Variants in PLBD1 observed in about 807,000 individuals in gnomAD.
PLBD1 encodes the protein phospholipase B domain containing 1.
Under a neutral mutation model 63.0 loss-of-function variants are expected in PLBD1, and 60 were observed. The observed-to-expected ratio is 0.95, with a 90% CI of 0.77 to 1.18. The LOEUF is 1.18. PLBD1 is among the 50% of genes most tolerant of loss of function. The pLI, the probability that PLBD1 is intolerant of heterozygous loss-of-function variation, is 0.00. For missense variants in PLBD1, 598 were observed against 677.9 expected, an observed-to-expected ratio of 0.88 and a Z score of 1.31; for synonymous variants, 262 against 248.0, an observed-to-expected ratio of 1.06 and a Z score of -0.53.
chr12:14,515,550 A>T (rs1945330800), intron 6 of PLBD1, among the ~76,000 whole-genome samples: 1 of 152,054 alleles, frequency 6.6e-6, no homozygotes, highest in Admixed American at 6.5e-5. Context: ...CTAAATATAG[A>T]TTGTTTTTAT....
At chr12:14,546,972 C>A (rs539653478) in intron 2 of PLBD1, among the ~76,000 whole-genome samples, 1 of 151,910 alleles carries the variant, frequency 6.6e-6, no homozygotes, top group Non-Finnish European at 1.5e-5. Context: ...CTTTTGCCAC[C>A]GAGGTTCAAG....
chr12:14,503,675 T>A lies in PLBD1; in HGVS notation c.*97A>T. ...TCAGTGGGAAATGAAAGTGACAAAT[T>A]AATATATTTTATTGCATAATTCTGA... is the stretch of plus-strand genomic sequence containing the variant. On this transcript the variant is annotated 3_prime_UTR_variant, in exon 11 of 11. Transcript: ENST00000240617. 8.8e-7 allele frequency: 1 copy of A among 1,140,848 alleles called. No individual in the cohort carries two copies. The highest frequency in any genetic ancestry group is 2.4e-5 in the Admixed American group (1 of 42,486). The allele number at this position is 1,140,848 out of a possible 1,614,324, so 70.7% of individuals were successfully genotyped here. A position where few individuals can be genotyped will look rare whatever the true frequency, so the allele number is the denominator to read the frequency against.
At chr12:14,514,742 ATT>A (rs3083807) in intron 6 of PLBD1, among the ~76,000 whole-genome samples, 1 of 147,304 alleles carries the variant, frequency 6.8e-6, no homozygotes. Flanking sequence ...ATCTTTTTAA[ATT>A]TTTTTTTTTT....
At position 14,567,632 on chromosome 12, in the gene PLBD1, A is replaced by G. The variant is rs1026044224; in HGVS notation, c.65T>C (p.Leu22Pro). The G allele has an allele frequency of 6.7e-7, 1 of 1,498,566 alleles. No individual in the cohort carries two copies. The highest frequency in any genetic ancestry group is 8.8e-7 in the Non-Finnish European group (1 of 1,131,738). 92.8% of individuals were successfully genotyped at this position (1,498,566 alleles called of 1,614,324 possible). The part of the protein sequence containing the change: ...LPQPPPLLLL[L>P]LLLPLLLVTA... ...GACTAACAACAGCGGCAGCAGCAGC[A>G]GCAGCAGCAGAAGCGGTGGCGGCTG... The change falls in exon 1 of 11, where the codon CTG (leucine) becomes CCG (proline). Residue 22 changes from leucine (L) to proline (P), a missense_variant. By Grantham distance (98) the Leu-to-Pro change is moderately conservative (BLOSUM62 -3). Coordinates refer to ENST00000240617, the MANE Select transcript of PLBD1 (RefSeq NM_024829.6).
chr12:14,543,015 A>T (rs1945588384), intron 2 of PLBD1, among the ~76,000 whole-genome samples: 1 of 152,222 alleles, frequency 6.6e-6, no homozygotes. Context: ...AAACTTAAAA[A>T]AATTAAAAAT....
chr12:14,509,004 C>A (rs960563985), intron 8 of PLBD1, among the ~76,000 whole-genome samples: 8 of 146,138 alleles, frequency 5.5e-5, no homozygotes, highest in Non-Finnish European at 1.2e-4. Context: ...CCGACCCCGA[C>A]GCCCCCGCCT....
intron 4 of PLBD1, among the ~76,000 whole-genome samples, chr12:14,539,338 T>C (rs1945546846): frequency 6.6e-6 from 1 of 152,112 alleles, no homozygotes; most frequent in Non-Finnish European, 1.5e-5. Context: ...ATCTCTCTCC[T>C]TTCCCGCCAG....
intron 6 of PLBD1, among the ~76,000 whole-genome samples, chr12:14,534,431 G>T (rs1164430147): frequency 6.6e-6 from 1 of 152,082 alleles, no homozygotes; most frequent in Non-Finnish European, 1.5e-5. Context: ...TTTATCTTAA[G>T]TTGGAGGGTC....
Position 14,505,315 on chromosome 12 carries a change from T to C in PLBD1, c.1479+847A>G, listed in dbSNP as rs191212196. Among the ~76,000 whole-genome samples, 467 of 152,276 alleles carry C rather than the reference T, an allele frequency of 3.1e-3. 1 individual carries two copies. Among genetic ancestry groups the C allele is most frequent in the Non-Finnish European group, 5.3e-3 (360 of 68,018 alleles). On this transcript the variant is annotated intron_variant, in intron 10 of 10. Coordinates refer to ENST00000240617, the MANE Select transcript of PLBD1 (RefSeq NM_024829.6). Reference sequence around the variant, plus strand: ...CAAAGACAGAATACACACTTTACCCTGACAGGTTTCTTCCAGAATTTAGGA... The same window carrying C: ...CAAAGACAGAATACACACTTTACCCCGACAGGTTTCTTCCAGAATTTAGGA...
intron 6 of PLBD1, among the ~76,000 whole-genome samples, chr12:14,529,542 T>C (rs1026260488): frequency 4.6e-5 from 7 of 152,146 alleles, no homozygotes; most frequent in Non-Finnish European, 7.3e-5. Flanking sequence ...TTTTCAACAA[T>C]TGCTGAGAAA....
intron 6 of PLBD1, among the ~76,000 whole-genome samples, chr12:14,527,073 A>G (rs559556343): frequency 1.3e-5 from 2 of 152,280 alleles, no homozygotes; most frequent in Admixed American, 1.3e-4. Flanking sequence ...TAGAACATAT[A>G]TATATTTTGT....
intron 2 of PLBD1, among the ~76,000 whole-genome samples, chr12:14,552,254 T>C (rs934779068): frequency 6.6e-6 from 1 of 152,214 alleles, no homozygotes; most frequent in African/African-American, 2.4e-5. Context: ...GAGAGTCGAT[T>C]AAATAAATTG....
chr12:14,528,199 T>C (rs186166745), intron 6 of PLBD1, among the ~76,000 whole-genome samples: 11 of 152,274 alleles, frequency 7.2e-5, no homozygotes. Flanking sequence ...GTTAAGAGTA[T>C]AGATGACTTG....
rs772425392 is a variant in PLBD1 at position 14,540,872 on chromosome 12, G to C, written c.450C>G (p.Ile150Met). 1 of 1,602,270 alleles carries C rather than the reference G, an allele frequency of 6.2e-7. No individual in the cohort carries two copies. The highest frequency in any genetic ancestry group is 1.1e-5 in the South Asian group (1 of 89,744). Residue 150 changes from isoleucine (I) to methionine (M), a missense_variant, in exon 4 of 11, where the codon ATC becomes ATG. Coordinates refer to ENST00000240617, the MANE Select transcript of PLBD1 (RefSeq NM_024829.6). ...AAAATGAATCAGTCTTGTATTCTTTGATATTTTTCCGGGTCCACTTATCTT... is the reference window on the plus strand; with the variant it reads ...AAAATGAATCAGTCTTGTATTCTTTCATATTTTTCCGGGTCCACTTATCTT... ...EKQDKWTRKN[I>M]KEYKTDSFWR...
intron 6 of PLBD1, chr12:14,531,107 A>G (rs1380568525): frequency 6.6e-6 from 1 of 152,216 alleles, no homozygotes; most frequent in Non-Finnish European, 1.5e-5. Flanking sequence ...TACATGTGAG[A>G]TATGATGATT....
At chr12:14,562,053 T>G (rs1175574819) in intron 1 of PLBD1, among the ~76,000 whole-genome samples, 1 of 152,250 alleles carries the variant, frequency 6.6e-6, no homozygotes, top group Non-Finnish European at 1.5e-5. Context: ...AAATTATTAC[T>G]GCATATGCAA....
chr12:14,555,451 T>A (rs1315429285), intron 1 of PLBD1, among the ~76,000 whole-genome samples: 1 of 152,070 alleles, frequency 6.6e-6, no homozygotes, highest in Non-Finnish European at 1.5e-5. Flanking sequence ...GCAGGAGAAT[T>A]GCTTGAACCC....
intron 6 of PLBD1, among the ~76,000 whole-genome samples, chr12:14,522,860 T>C (rs575505222): frequency 1.4e-4 from 21 of 152,172 alleles, no homozygotes; most frequent in African/African-American, 5.1e-4. Flanking sequence ...ACAAGAAATG[T>C]AACTCAACAC....
chr12:14,548,457 C>CAAAAAAAAAA (rs56119793), intron 2 of PLBD1, among the ~76,000 whole-genome samples: 1 of 68,336 alleles, frequency 1.5e-5, no homozygotes, highest in East Asian at 4.6e-4. Context: ...ACTCCATCTC[C>CAAAAAAAAAA]AAAAAAAAAA....
Sources: gnomAD v4.1 joint callset for allele counts (sites outside exome capture counted in the v4.1 genomes callset) on GRCh38, gnomAD v4.1.1 for gene constraint, MANE v1.5 for transcripts, NCBI Gene and HGNC (gene_info 2026-07-23, HGNC 2026-07-21) for gene names.